The following ATP8B1 variants were observed in gnomAD, a reference collection of about 807,000 sequenced individuals.
ATP8B1 encodes the protein ATPase phospholipid transporting 8B1.
In ATP8B1, 80 loss-of-function variants were observed where a neutral mutation model predicts 149.9. The observed-to-expected ratio is 0.53, with a 90% CI of 0.45 to 0.64. ATP8B1 has a LOEUF of 0.64. ATP8B1 is among the 30% of genes least tolerant of loss of function. ATP8B1 has a pLI of 0.00. For missense variants in ATP8B1, 1,247 were observed against 1,552.6 expected (o/e 0.80, Z 3.31); for synonymous variants, 536 against 562.8 (o/e 0.95, Z 0.67).
chr18:57,679,686 A>G lies in ATP8B1; in HGVS notation c.1630+4350T>C, dbSNP rs1253043606. Among the ~76,000 whole-genome samples the G allele has an allele frequency of 5.9e-5, 9 of 152,108 alleles. No individual in the cohort carries two copies. The South Asian group carries it at 1.9e-3, about 31-fold the overall frequency. On this transcript the variant is annotated intron_variant, in intron 15 of 27. Transcript: ENST00000648908. The stretch of plus-strand genomic sequence containing the variant: ...TGATTCACTCTAATTTCTTTTTGAG[A>G]TGGAGTCTCACTTTGTCGCCCAGGC...
At chr18:57,779,546 C>T (rs559770439) in intron 1 of ATP8B1, among the ~76,000 whole-genome samples, 3 of 152,080 alleles carry the variant, frequency 2.0e-5, no homozygotes, top group Non-Finnish European at 2.9e-5. Context: ...TTAGCAACAC[C>T]GAACATGGTA....
intron 1 of ATP8B1, among the ~76,000 whole-genome samples, chr18:57,787,412 G>A (rs1488210824): frequency 7.5e-6 from 1 of 133,812 alleles, no homozygotes; most frequent in Non-Finnish European, 1.7e-5. Context: ...ACTGCGGGAG[G>A]AGCTCCATCT....
intron 1 of ATP8B1, among the ~76,000 whole-genome samples, chr18:57,748,468 AT>A (rs1454000633): frequency 6.6e-6 from 1 of 152,180 alleles, no homozygotes; most frequent in Non-Finnish European, 1.5e-5. Flanking sequence ...TGGCTTCCAG[AT>A]TTGTGAGACA....
intron 2 of ATP8B1, among the ~76,000 whole-genome samples, chr18:57,713,666 T>C (rs1913847559): frequency 6.6e-6 from 1 of 151,142 alleles, no homozygotes; most frequent in Non-Finnish European, 1.5e-5. Context: ...AATTTTGTAT[T>C]TTTAGTAGAG....
At chr18:57,801,781 G>A (rs548637274) in intron 1 of ATP8B1, among the ~76,000 whole-genome samples, 7 of 152,286 alleles carry the variant, frequency 4.6e-5, no homozygotes, top group South Asian at 2.1e-4. Context: ...CAACCAGGAA[G>A]ATGGGAGCGA....
chr18:57,734,677 A>G (rs1339800355), intron 1 of ATP8B1, among the ~76,000 whole-genome samples: 2 of 152,164 alleles, frequency 1.3e-5, no homozygotes, highest in African/African-American at 2.4e-5. Context: ...AAAGAGCCCT[A>G]TAGTCATGGA....
chr18:57,692,512 T>G (rs1224194734), intron 11 of ATP8B1, among the ~76,000 whole-genome samples: 1 of 135,586 alleles, frequency 7.4e-6, no homozygotes, highest in East Asian at 2.6e-4. Context: ...TGTGGCTCAC[T>G]ACAACCTCCA....
chr18:57,777,588 A>C, intron 1 of ATP8B1, among the ~76,000 whole-genome samples: 1 of 152,152 alleles, frequency 6.6e-6, no homozygotes, highest in South Asian at 2.1e-4. Context: ...ATTTATTTTG[A>C]GACAGGGTCT....
intron 1 of ATP8B1, among the ~76,000 whole-genome samples, chr18:57,767,022 T>G (rs73959350): frequency 1.3e-5 from 2 of 152,070 alleles, no homozygotes; most frequent in Non-Finnish European, 2.9e-5. Flanking sequence ...TTGCAAATCT[T>G]TCCATGTCAT....
chr18:57,776,563 G>C (rs976628380), intron 1 of ATP8B1, among the ~76,000 whole-genome samples: 1 of 152,038 alleles, frequency 6.6e-6, no homozygotes, highest in Non-Finnish European at 1.5e-5. Context: ...ACTGAGGTGA[G>C]AGAAAGGAGG....
intron 2 of ATP8B1, among the ~76,000 whole-genome samples, chr18:57,714,690 ATCCAGATAATTCT>A (rs1913920046): frequency 6.6e-6 from 1 of 150,732 alleles, no homozygotes; most frequent in Non-Finnish European, 1.5e-5. Context: ...GGGCTTGATA[ATCCAGATAATTCT>A]TCCAGATAGT....
chr18:57,794,972 A>G (rs2080498829), intron 1 of ATP8B1, among the ~76,000 whole-genome samples: 1 of 152,174 alleles, frequency 6.6e-6, no homozygotes, highest in Non-Finnish European at 1.5e-5. Context: ...ATGGTAATAA[A>G]TACTATAATA....
At chr18:57,779,165 A>T (rs756658305) in intron 1 of ATP8B1, among the ~76,000 whole-genome samples, 38 of 152,232 alleles carry the variant, frequency 2.5e-4, no homozygotes, top group Non-Finnish European at 4.9e-4. Context: ...TCTACAAAAA[A>T]TGCAAAAATT....
chr18:57,650,300 C>T (rs1374681210), intron 27 of ATP8B1, 67 bp downstream of exon 27: 36 of 1,581,568 alleles, frequency 2.3e-5, no homozygotes, highest in Middle Eastern at 1.7e-4. Context: ...TTGCAGGAAA[C>T]GTGCTGTTGG....
intron 23 of ATP8B1, among the ~76,000 whole-genome samples, chr18:57,654,308 G>T (rs1339075842): frequency 6.6e-6 from 1 of 151,052 alleles, no homozygotes; most frequent in East Asian, 2.0e-4. Context: ...CACCTGGCCT[G>T]TTATCAATAT....
chr18:57,674,732 G>T, intron 16 of ATP8B1, 102 bp downstream of exon 16: 1 of 1,348,122 alleles, frequency 7.4e-7, no homozygotes, highest in Non-Finnish European at 1.1e-6. Context: ...CAGGAGCCAA[G>T]TAGCTCTTTC....
intron 1 of ATP8B1, among the ~76,000 whole-genome samples, chr18:57,800,320 C>G (rs2123479046): frequency 6.6e-6 from 1 of 152,216 alleles, no homozygotes; most frequent in African/African-American, 2.4e-5. Context: ...CATAACAAGG[C>G]CCTGTCTCTA....
intron 6 of ATP8B1, among the ~76,000 whole-genome samples, chr18:57,699,522 G>A (rs1364225852): frequency 1.3e-5 from 2 of 151,930 alleles, no homozygotes; most frequent in Non-Finnish European, 2.9e-5. Context: ...GGATCATGAG[G>A]TCAGGAGATT....
At chr18:57,667,285 T>C in intron 19 of ATP8B1, 118 bp from the exon 20 acceptor site, 1 of 785,758 alleles carries the variant, frequency 1.3e-6, no homozygotes, top group Admixed American at 2.1e-5. Context: ...TGGCACAATC[T>C]CTGCTCACTA....
Sources: allele counts gnomAD v4.1 joint callset (sites outside exome capture counted in the v4.1 genomes callset), GRCh38; gene constraint gnomAD v4.1.1; transcripts MANE v1.5; gene names NCBI Gene and HGNC (gene_info 2026-07-23, HGNC 2026-07-21).